The following CUL3 variants were observed in gnomAD, a reference collection of about 807,000 sequenced individuals.
The protein encoded by CUL3 is cullin 3, also known as cullin-3.
A neutral mutation model predicts 89.1 loss-of-function variants in CUL3; 19 were observed. That is an observed-to-expected ratio of 0.21 (90% CI 0.15 to 0.31). The LOEUF is 0.31. Among genes scored for constraint, CUL3 ranks in the 10% least tolerant of loss-of-function variants. CUL3 has a pLI of 1.00. For missense variants in CUL3, 469 were observed against 942.3 expected, an observed-to-expected ratio of 0.50 and a Z score of 6.58; for synonymous variants, 351 against 308.4, an observed-to-expected ratio of 1.14 and a Z score of -1.45.
At chr2:224,541,856 T>C (rs1694118576) in intron 2 of CUL3, among the ~76,000 whole-genome samples, 2 of 151,604 alleles carry the variant, frequency 1.3e-5, no homozygotes, top group Non-Finnish European at 2.9e-5. Context: ...AATCCAAAAC[T>C]ATAGTGTTAA....
In CUL3 at chr2:224,472,399, T is replaced by C. The variant is rs1035642786; in HGVS notation, c.*1846A>G. ...CTGTTTTCCCAGGTGTTAAATATCA[T>C]TTAACTGGGAAATGAAAGCAATAAA... On this transcript the variant is annotated 3_prime_UTR_variant, in exon 16 of 16. Coordinates refer to ENST00000264414, the MANE Select transcript of CUL3 (RefSeq NM_003590.5). 3 of 205,742 alleles carry C rather than the reference T, an allele frequency of 1.5e-5. No individual in the cohort carries two copies. The highest frequency in any genetic ancestry group is 3.0e-5 in the Non-Finnish European group (3 of 100,866). The allele number at this position is 205,742 out of a possible 1,614,324, so 12.7% of individuals were successfully genotyped here. A position where few individuals can be genotyped will look rare whatever the true frequency, so the allele number is the denominator to read the frequency against.
intron 2 of CUL3, among the ~76,000 whole-genome samples, chr2:224,547,413 C>G (rs1694345847): frequency 6.6e-6 from 1 of 152,124 alleles, no homozygotes; most frequent in African/African-American, 2.4e-5. Flanking sequence ...TCCTTGTTAT[C>G]TACCGGGACA....
intron 15 of CUL3, among the ~76,000 whole-genome samples, chr2:224,477,127 T>C (rs181846056): frequency 1.3e-5 from 2 of 152,302 alleles, no homozygotes; most frequent in East Asian, 1.9e-4. Context: ...TAGGACACTG[T>C]CATTTTGTTT....
At chr2:224,491,750 G>A (rs554838976) in intron 13 of CUL3, among the ~76,000 whole-genome samples, 13 of 152,262 alleles carry the variant, frequency 8.5e-5, no homozygotes, top group African/African-American at 3.1e-4. Context: ...AGGTGGCGAT[G>A]AGTCCCCCAC....
At chr2:224,493,261 A>G (rs537136881) in intron 13 of CUL3, among the ~76,000 whole-genome samples, 29 of 152,380 alleles carry the variant, frequency 1.9e-4, no homozygotes, top group Admixed American at 3.9e-4. Context: ...TTCAAAAATA[A>G]AAGTTCACCT....
intron 2 of CUL3, among the ~76,000 whole-genome samples, chr2:224,548,863 C>A (rs963230848): frequency 2.0e-5 from 3 of 151,968 alleles, no homozygotes; most frequent in Non-Finnish European, 4.4e-5. Flanking sequence ...TTTAGCCAGG[C>A]ATGGTGGCAC....
intron 2 of CUL3, among the ~76,000 whole-genome samples, chr2:224,552,011 G>GTA (rs1694532671): frequency 6.6e-6 from 1 of 151,908 alleles, no homozygotes; most frequent in Non-Finnish European, 1.5e-5. Context: ...TTGTTTACCT[G>GTA]TTTACTATCT....
At chr2:224,493,824 C>CTGTTAG (rs1166492868) in intron 13 of CUL3, among the ~76,000 whole-genome samples, 1 of 152,102 alleles carries the variant, frequency 6.6e-6, no homozygotes, top group African/African-American at 2.4e-5. Context: ...TACACAAAAA[C>CTGTTAG]AGCTGTTAGA....
chr2:224,495,129 A>AT (rs1426677786), intron 13 of CUL3: 2 of 73,840 alleles, frequency 2.7e-5, no homozygotes, highest in Middle Eastern at 8.8e-3. Context: ...CATCATCATC[A>AT]AAAAAAAAAA....
intron 13 of CUL3, among the ~76,000 whole-genome samples, chr2:224,487,317 C>CTGGCA (rs1338832017): frequency 2.6e-5 from 4 of 151,904 alleles, no homozygotes; most frequent in African/African-American, 7.3e-5. Flanking sequence ...AAGACACAGA[C>CTGGCA]TGGCAAATTG....
At chr2:224,511,603 TA>T (rs1692828178) in intron 5 of CUL3, 21 bp from the exon 6 acceptor site, 2 of 1,351,838 alleles carry the variant, frequency 1.5e-6, no homozygotes, top group African/African-American at 1.5e-5. Context: ...AAAATATATA[TA>T]TTTTTTAAAC....
chr2:224,519,651 A>T (rs1026981823), intron 3 of CUL3, among the ~76,000 whole-genome samples: 5 of 152,236 alleles, frequency 3.3e-5, no homozygotes, highest in Admixed American at 1.3e-4. Flanking sequence ...ATAATCATTT[A>T]TATTAAATGT....
In CUL3 at chr2:224,472,152, T is replaced by C. The variant is rs886055689; in HGVS notation, c.*2093A>G. ...CAACTGCAATTCAGAAATGTTTTAA[T>C]GTATTTAGAAGCATAAATATCAAAC... On this transcript the variant is annotated 3_prime_UTR_variant, in exon 16 of 16. Coordinates refer to ENST00000264414, the MANE Select transcript of CUL3 (RefSeq NM_003590.5). 1.3e-5 allele frequency: 3 copies of C among 228,242 alleles called. No homozygotes were observed. Among genetic ancestry groups the C allele is most frequent in the South Asian group, 3.6e-4 (2 of 5,494 alleles). 14.1% of individuals were successfully genotyped at this position (228,242 alleles called of 1,614,324 possible).
Position 224,473,532 on chromosome 2 carries a change from T to A in CUL3, c.*713A>T, listed in dbSNP as rs1691207407. ...ATTGTACAATTTACACATACTAAAATACTTTCTTTCTCTAGAAATAACTCA... is the reference window on the plus strand; with the variant it reads ...ATTGTACAATTTACACATACTAAAAAACTTTCTTTCTCTAGAAATAACTCA... On this transcript the variant is annotated 3_prime_UTR_variant, in exon 16 of 16. Transcript: ENST00000264414. 5.5e-6 allele frequency: 1 copy of A among 183,074 alleles called. No homozygotes were observed. The highest frequency in any genetic ancestry group is 2.1e-3 in the Middle Eastern group (1 of 482). 11.3% of individuals were successfully genotyped at this position (183,074 alleles called of 1,614,324 possible).
intron 13 of CUL3, among the ~76,000 whole-genome samples, chr2:224,494,741 A>C (rs975438826): frequency 6.6e-6 from 1 of 152,208 alleles, no homozygotes; most frequent in Non-Finnish European, 1.5e-5. Flanking sequence ...TATATAAAAA[A>C]ATTAACCTAA....
rs1691115262 is a variant in CUL3 at position 224,471,056 on chromosome 2, T to A, written c.*3189A>T. On this transcript the variant is annotated 3_prime_UTR_variant, in exon 16 of 16. Coordinates refer to ENST00000264414, the MANE Select transcript of CUL3 (RefSeq NM_003590.5). Reference sequence around the variant, plus strand: ...AATATTCAGAATAGTATCTGGCATATGATAAGCACTTAAATGTTAACATTT... The same window carrying A: ...AATATTCAGAATAGTATCTGGCATAAGATAAGCACTTAAATGTTAACATTT... The A allele has an allele frequency of 4.4e-6, 1 of 225,104 alleles. No homozygotes were observed. Among genetic ancestry groups the A allele is most frequent in the Non-Finnish European group, 8.8e-6 (1 of 113,158 alleles). The allele number at this position is 225,104 out of a possible 1,614,324, so 13.9% of individuals were successfully genotyped here. A position where few individuals can be genotyped will look rare whatever the true frequency, so the allele number is the denominator to read the frequency against.
chr2:224,528,869 GCAGAATACCTTT>G (rs972641019), intron 3 of CUL3, among the ~76,000 whole-genome samples: 7 of 152,056 alleles, frequency 4.6e-5, no homozygotes, highest in East Asian at 3.9e-4. Flanking sequence ...AAAGGTATTT[GCAGAATACCTTT>G]CAGAATACCT....
At chr2:224,501,348 A>G (rs952652718) in intron 10 of CUL3, among the ~76,000 whole-genome samples, 1 of 152,240 alleles carries the variant, frequency 6.6e-6, no homozygotes, top group Non-Finnish European at 1.5e-5. Flanking sequence ...TGCTCTACAA[A>G]TATCTGTACA....
At chr2:224,523,311 C>T (rs1693338312) in intron 3 of CUL3, among the ~76,000 whole-genome samples, 1 of 151,792 alleles carries the variant, frequency 6.6e-6, no homozygotes, top group African/African-American at 2.4e-5. Flanking sequence ...GTAAGACCAA[C>T]GCCCCTGGAA....
Sources: gnomAD v4.1 joint callset for allele counts (sites outside exome capture counted in the v4.1 genomes callset) on GRCh38, gnomAD v4.1.1 for gene constraint, MANE v1.5 for transcripts, NCBI Gene and HGNC (gene_info 2026-07-23, HGNC 2026-07-21) for gene names.